The following TMEM255B variants were observed in gnomAD, a reference collection of about 807,000 sequenced individuals.
TMEM255B encodes the protein family with sequence similarity 70, member B.
TMEM255B carries 35 observed loss-of-function variants against 34.5 expected under a neutral mutation model. That is an observed-to-expected ratio of 1.01 (90% confidence interval 0.77 to 1.34). The LOEUF (loss-of-function observed/expected upper bound fraction) is 1.34, where lower values mean the gene tolerates loss of function less well. TMEM255B is among the 40% of genes most tolerant of loss of function. The pLI is 0.00. For synonymous variants in TMEM255B, 206 were observed against 201.2 expected (o/e 1.02, Z -0.20); for missense variants, 432 against 433.2 (o/e 1.00, Z 0.02).
intron 7 of TMEM255B, among the ~76,000 whole-genome samples, chr13:113,804,416 G>T (rs1594165258): frequency 6.6e-6 from 1 of 152,140 alleles, no homozygotes; most frequent in South Asian, 2.1e-4. Context: ...AGACTTTGGG[G>T]CCCGGAGAGA....
chr13:113,809,300 T>C (rs1246584759), intron 8 of TMEM255B, among the ~76,000 whole-genome samples: 2 of 39,098 alleles, frequency 5.1e-5, no homozygotes, highest in Admixed American at 2.0e-4. Flanking sequence ...GGGTTTACTC[T>C]GTGGTTCCTG....
At chr13:113,809,132 G>T (rs1277552628) in intron 8 of TMEM255B, among the ~76,000 whole-genome samples, 3 of 118,078 alleles carry the variant, frequency 2.5e-5, no homozygotes, top group Non-Finnish European at 5.4e-5. Flanking sequence ...GTGGTTCCTG[G>T]GGGGAGGGGT....
rs545003052 is a variant in TMEM255B at position 113,807,883 on chromosome 13, G to A, written c.813+2855G>A. ...ACGGGACGTGGGGGGCACAGGGGCA[G>A]ATCCACTTCATCCCCATGGTGCTCC... On this transcript the variant is annotated intron_variant, in intron 8 of 8. Coordinates refer to ENST00000375353, the MANE Select transcript of TMEM255B (RefSeq NM_182614.4). 1.1e-4 allele frequency among the ~76,000 whole-genome samples: 16 copies of A among 152,178 alleles called. 1 individual carries two copies. The highest frequency in any genetic ancestry group is 3.4e-4 in the African/African-American group (14 of 41,476).
chr13:113,803,682 A>G lies in TMEM255B; in HGVS notation c.670-1203A>G, dbSNP rs551506087. 1.0e-3 allele frequency among the ~76,000 whole-genome samples: 153 copies of G among 151,678 alleles called. 4 individuals are homozygous for G. Among genetic ancestry groups the G allele is most frequent in the African/African-American group, 3.7e-3 (151 of 41,338 alleles). ...GAGCACGACCCTCCATGCCCATCCA[A>G]CCTCCCAGGCCCACCTCGGCTGCCC... On this transcript the variant is annotated intron_variant, in intron 7 of 8. Coordinates refer to ENST00000375353, the MANE Select transcript of TMEM255B (RefSeq NM_182614.4).
At chr13:113,794,064 C>T (rs1460051105) in intron 3 of TMEM255B, among the ~76,000 whole-genome samples, 1 of 152,182 alleles carries the variant, frequency 6.6e-6, no homozygotes, top group Non-Finnish European at 1.5e-5. Context: ...AGGTGTGCAG[C>T]CTGGGGCAGA....
At chr13:113,760,377 A>G (rs1176829146) in intron 1 of TMEM255B, among the ~76,000 whole-genome samples, 3 of 152,236 alleles carry the variant, frequency 2.0e-5, no homozygotes, top group Non-Finnish European at 4.4e-5. Flanking sequence ...TTTATTAACT[A>G]GTTTTATCAT....
At chr13:113,799,536 G>T in intron 5 of TMEM255B, 117 bp downstream of exon 5, 4 of 948,790 alleles carry the variant, frequency 4.2e-6, no homozygotes, top group Non-Finnish European at 6.5e-6. Flanking sequence ...GTTCCTGGGG[G>T]TCACCCCTGC....
chr13:113,813,113 G>A lies in TMEM255B; in HGVS notation c.*1210G>A, dbSNP rs917037951. The A allele has an allele frequency of 6.6e-6, 1 of 151,392 alleles. No homozygotes were observed. Among genetic ancestry groups the A allele is most frequent in the Non-Finnish European group, 1.5e-5 (1 of 67,860 alleles). 9.4% of individuals were successfully genotyped at this position (151,392 alleles called of 1,614,324 possible). A position where few individuals can be genotyped will look rare whatever the true frequency, so the allele number is the denominator to read the frequency against. ...TTGAAAAGTGTTGGATGTGGGGAGAGGCTTTCTCTGAACTCCTGAAGTCAG... is the reference window on the plus strand; with the variant it reads ...TTGAAAAGTGTTGGATGTGGGGAGAAGCTTTCTCTGAACTCCTGAAGTCAG... On this transcript the variant is annotated 3_prime_UTR_variant, in exon 9 of 9. Transcript: ENST00000375353.
At chr13:113,785,924 G>A (rs1278742746) in intron 3 of TMEM255B, among the ~76,000 whole-genome samples, 6 of 152,196 alleles carry the variant, frequency 3.9e-5, no homozygotes, top group Non-Finnish European at 8.8e-5. Flanking sequence ...AGGAGGGAAC[G>A]TGGGGATGGG....
chr13:113,773,295 C>A (rs776391166), intron 3 of TMEM255B, among the ~76,000 whole-genome samples: 25 of 152,144 alleles, frequency 1.6e-4, no homozygotes, highest in Non-Finnish European at 3.4e-4. Context: ...TATCTGCAAC[C>A]CTGTGGAACT....
intron 3 of TMEM255B, among the ~76,000 whole-genome samples, chr13:113,777,546 G>C (rs868270552): frequency 6.6e-6 from 1 of 152,178 alleles, no homozygotes; most frequent in Non-Finnish European, 1.5e-5. Context: ...CTCCCCCAGC[G>C]CTGTGCTGAC....
chr13:113,768,201 A>T lies in TMEM255B; in HGVS notation c.190-897A>T, dbSNP rs1248099416. 6.4e-6 allele frequency: 3 copies of T among 470,536 alleles called. No homozygotes were observed. The Admixed American group carries it at 7.1e-5, about 11-fold the overall frequency. 29.1% of individuals were successfully genotyped at this position (470,536 alleles called of 1,614,324 possible). On this transcript the variant is annotated intron_variant, in intron 2 of 8. Coordinates refer to ENST00000375353, the MANE Select transcript of TMEM255B (RefSeq NM_182614.4). ...CCCGGCGCACCTGCGTGGGAGCAAG[A>T]GCCGTCTTAGGCCTCGGCACGGTCG...
chr13:113,763,957 G>A (rs1169964390), intron 1 of TMEM255B, among the ~76,000 whole-genome samples: 1 of 152,272 alleles, frequency 6.6e-6, no homozygotes, highest in Non-Finnish European at 1.5e-5. Context: ...GCTGGAGGAG[G>A]CCTTGGGCCG....
At chr13:113,776,730 T>C (rs1205877525) in intron 3 of TMEM255B, among the ~76,000 whole-genome samples, 1 of 152,186 alleles carries the variant, frequency 6.6e-6, no homozygotes, top group Non-Finnish European at 1.5e-5. Flanking sequence ...ACCTGGAGCT[T>C]CCCGACACAG....
chr13:113,789,450 T>C (rs1459327492), intron 3 of TMEM255B, among the ~76,000 whole-genome samples: 1 of 152,188 alleles, frequency 6.6e-6, no homozygotes, highest in Admixed American at 6.5e-5. Flanking sequence ...AAAATTTATC[T>C]GAACAAGAGT....
In TMEM255B at chr13:113,767,947, G is replaced by A. The variant is rs905575806; in HGVS notation, c.190-1151G>A. ...TGCAGTATTTTGAAGCTCAGCACAT[G>A]AAGAAATATTCCTGTTATCCCTGGA... On this transcript the variant is annotated intron_variant, in intron 2 of 8. Coordinates refer to ENST00000375353, the MANE Select transcript of TMEM255B (RefSeq NM_182614.4). Among the ~76,000 whole-genome samples, 4 of 152,368 alleles carry A rather than the reference G, an allele frequency of 2.6e-5. No homozygotes were observed. The South Asian group carries it at 6.2e-4, about 24-fold the overall frequency.
At chr13:113,797,300 G>A (rs945567527) in intron 4 of TMEM255B, among the ~76,000 whole-genome samples, 8 of 152,238 alleles carry the variant, frequency 5.3e-5, no homozygotes, top group East Asian at 1.9e-4. Context: ...AGATGCCATC[G>A]AGGAAAATGT....
chr13:113,760,872 A>G (rs1420135682), intron 1 of TMEM255B, among the ~76,000 whole-genome samples: 5 of 96,324 alleles, frequency 5.2e-5, no homozygotes, highest in African/African-American at 8.3e-5. Flanking sequence ...CTGGGGGTGG[A>G]TTATGGTCTT....
At chr13:113,781,819 T>C (rs1034936758) in intron 3 of TMEM255B, among the ~76,000 whole-genome samples, 1 of 152,254 alleles carries the variant, frequency 6.6e-6, no homozygotes, top group African/African-American at 2.4e-5. Flanking sequence ...AGCTACCACA[T>C]GCCTTGACTT....
Sources: gnomAD v4.1 joint callset for allele counts (sites outside exome capture counted in the v4.1 genomes callset) on GRCh38, gnomAD v4.1.1 for gene constraint, MANE v1.5 for transcripts, NCBI Gene and HGNC (gene_info 2026-07-23, HGNC 2026-07-21) for gene names.